Variants in CSMD3 observed in about 807,000 individuals in gnomAD.
The protein encoded by CSMD3 is CUB and sushi domain-containing protein 3.
In CSMD3, 177 loss-of-function variants were observed where a neutral mutation model predicts 435.2. That is an observed-to-expected ratio of 0.41 (90% CI 0.36 to 0.46). The LOEUF (loss-of-function observed/expected upper bound fraction) is 0.46. Among genes scored for constraint, CSMD3 ranks in the 20% least tolerant of loss-of-function variants. CSMD3 has a pLI of 0.34. For synonymous variants in CSMD3, 1,656 were observed against 1,520.5 expected (o/e 1.09, Z -2.07); for missense variants, 4,265 against 4,504.6 (o/e 0.95, Z 1.52).
At chr8:113,139,404 G>T (rs1247354420) in intron 4 of CSMD3, among the ~76,000 whole-genome samples, 3 of 150,818 alleles carry the variant, frequency 2.0e-5, no homozygotes, top group South Asian at 2.1e-4. Flanking sequence ...AAATGCAGGG[G>T]TATAAAGGGA....
intron 13 of CSMD3, among the ~76,000 whole-genome samples, chr8:112,739,433 C>T (rs978194938): frequency 6.6e-5 from 10 of 151,738 alleles, no homozygotes; most frequent in Non-Finnish European, 1.2e-4. Flanking sequence ...TTCAGTTTGC[C>T]ATTATTTCCA....
At chr8:112,862,439 GT>G (rs1412158819) in intron 10 of CSMD3, among the ~76,000 whole-genome samples, 2 of 151,908 alleles carry the variant, frequency 1.3e-5, no homozygotes, top group African/African-American at 2.4e-5. Context: ...ACTACTGGAC[GT>G]TTTTGACAGG....
intron 1 of CSMD3, among the ~76,000 whole-genome samples, chr8:113,399,675 A>G (rs1184724881): frequency 6.6e-6 from 1 of 151,890 alleles, no homozygotes; most frequent in East Asian, 1.9e-4. Context: ...GAATTCTAAT[A>G]GATACAGAGT....
intron 23 of CSMD3, 34 bp downstream of exon 23, chr8:112,587,032 T>C: frequency 6.6e-7 from 1 of 1,505,156 alleles, no homozygotes; most frequent in African/African-American, 1.4e-5. Context: ...TGACTAAAAA[T>C]GAACAATATA....
intron 28 of CSMD3, 110 bp downstream of exon 28, chr8:112,516,924 C>G: frequency 3.7e-6 from 3 of 813,268 alleles, no homozygotes; most frequent in Non-Finnish European, 6.1e-6. Flanking sequence ...CCTCTGAAAT[C>G]TTAGACTCTC....
intron 4 of CSMD3, among the ~76,000 whole-genome samples, chr8:113,158,458 A>G (rs572562291): frequency 4.5e-4 from 69 of 152,154 alleles, no homozygotes; most frequent in African/African-American, 1.4e-3. Flanking sequence ...CAAGATAATA[A>G]AATAAAATAG....
At chr8:113,334,811 C>G (rs779358999) in intron 1 of CSMD3, among the ~76,000 whole-genome samples, 1 of 151,804 alleles carries the variant, frequency 6.6e-6, no homozygotes, top group Non-Finnish European at 1.5e-5. Context: ...TTTAAGGAAT[C>G]GGTGCATTTT....
chr8:112,562,559 A>G (rs570321936), intron 24 of CSMD3, among the ~76,000 whole-genome samples: 3 of 151,522 alleles, frequency 2.0e-5, no homozygotes, highest in African/African-American at 7.2e-5. Flanking sequence ...TAAATACATT[A>G]GAGAAATATG....
intron 4 of CSMD3, among the ~76,000 whole-genome samples, chr8:113,151,153 T>A (rs542617404): frequency 6.6e-6 from 1 of 152,036 alleles, no homozygotes; most frequent in Admixed American, 6.6e-5. Context: ...GTTAATAGGT[T>A]CAAAGTTATC....
In CSMD3 at chr8:112,537,577, A is replaced by C. The variant is rs184783451; in HGVS notation, c.4564+13094T>G. Among the ~76,000 whole-genome samples the C allele has an allele frequency of 5.6e-3, 852 of 152,056 alleles. 16 individuals are homozygous for C. Among genetic ancestry groups the C allele is most frequent in the Non-Finnish European group, 4.5e-3 (305 of 67,940 alleles). On this transcript the variant is annotated intron_variant, in intron 27 of 70. Coordinates refer to ENST00000297405, the MANE Select transcript of CSMD3 (RefSeq NM_198123.2). ...AAACTGATACCACAGAAACACAAGG[A>C]ATTATTAGAGACTATTATGAAGAAG... is the stretch of plus-strand genomic sequence containing the variant.
At position 112,295,948 on chromosome 8, in the gene CSMD3, A is replaced by T. The variant is rs2130715849; in HGVS notation, c.8499T>A (p.Tyr2833Ter). 2.5e-6 allele frequency: 4 copies of T among 1,613,792 alleles called. No homozygotes were observed. The highest frequency in any genetic ancestry group is 3.4e-6 in the Non-Finnish European group (4 of 1,179,744). ...IVNGQVIGEN[Y>*]GYRDTVVYQC... ...GATATACAACTGTGTCTCTATATCC[A>T]TAATTTTCTCCAATGACTTGACCAT... The change falls in exon 54 of 71, where the codon TAT becomes TAA. Residue 2833 changes from tyrosine to a stop codon, truncating the protein, a stop_gained. Coordinates refer to ENST00000297405, the MANE Select transcript of CSMD3 (RefSeq NM_198123.2). LOFTEE classifies it high-confidence loss of function.
chr8:112,646,864 GAA>G (rs1479170910), intron 19 of CSMD3, among the ~76,000 whole-genome samples: 1 of 152,018 alleles, frequency 6.6e-6, no homozygotes, highest in Non-Finnish European at 1.5e-5. Context: ...CTAAAAACAT[GAA>G]GACATAAATT....
At chr8:113,403,358 T>C (rs1439002548) in intron 1 of CSMD3, among the ~76,000 whole-genome samples, 1 of 151,362 alleles carries the variant, frequency 6.6e-6, no homozygotes, top group Non-Finnish European at 1.5e-5. Flanking sequence ...TTTCTTTCTG[T>C]TCCTGTGGTA....
intron 5 of CSMD3, among the ~76,000 whole-genome samples, chr8:113,065,605 G>T (rs112389895): frequency 0.067 from 10,147 of 152,020 alleles, 456 homozygotes; most frequent in Non-Finnish European, 0.095. Flanking sequence ...AGCCAAGATG[G>T]TCTCGATCTC....
At position 112,322,420 on chromosome 8, in the gene CSMD3, T is replaced by C. The variant is rs556970957; in HGVS notation, c.7166-2439A>G. Among the ~76,000 whole-genome samples, 94 of 152,204 alleles carry C rather than the reference T, an allele frequency of 6.2e-4. 1 individual carries two copies. Among genetic ancestry groups the C allele is most frequent in the African/African-American group, 2.1e-3 (87 of 41,546 alleles). The stretch of plus-strand genomic sequence containing the variant: ...TATTCTCTGTTCTTTCCTATCACTG[T>C]CAGTTTTATAAAATGTGTCCCTAGA... On this transcript the variant is annotated intron_variant, in intron 45 of 70. Coordinates refer to ENST00000297405, the MANE Select transcript of CSMD3 (RefSeq NM_198123.2).
intron 16 of CSMD3, among the ~76,000 whole-genome samples, chr8:112,674,481 A>T (rs2075728743): frequency 6.6e-6 from 1 of 152,126 alleles, no homozygotes; most frequent in Non-Finnish European, 1.5e-5. Context: ...CCCTGATAAA[A>T]GAGAAGCTCA....
chr8:113,072,308 G>T (rs936749460), intron 5 of CSMD3, among the ~76,000 whole-genome samples: 1 of 151,162 alleles, frequency 6.6e-6, no homozygotes, highest in Non-Finnish European at 1.5e-5. Context: ...TAATTGCTCT[G>T]TCAAGGACTT....
At position 113,392,877 on chromosome 8, in the gene CSMD3, A is replaced by G. The variant is rs2094466714; in HGVS notation, c.178+43800T>C. ...GAGGAAGAAAATTGCTTATAGTTTC[A>G]TGAATTGATGAGGACTTTATACTCC... is the stretch of plus-strand genomic sequence containing the variant. On this transcript the variant is annotated intron_variant, in intron 1 of 70. Transcript: ENST00000297405. Among the ~76,000 whole-genome samples the G allele has an allele frequency of 2.6e-5, 4 of 151,988 alleles. No individual in the cohort carries two copies. In the South Asian group the frequency reaches 8.3e-4, roughly 31 times the overall value.
At chr8:112,951,257 A>T (rs2130814416) in intron 8 of CSMD3, among the ~76,000 whole-genome samples, 1 of 151,952 alleles carries the variant, frequency 6.6e-6, no homozygotes, top group African/African-American at 2.4e-5. Context: ...AATTGGACAG[A>T]TTTATCACTT....
Sources: allele counts gnomAD v4.1 joint callset (sites outside exome capture counted in the v4.1 genomes callset), GRCh38; gene constraint gnomAD v4.1.1; transcripts MANE v1.5; gene names NCBI Gene and HGNC (gene_info 2026-07-23, HGNC 2026-07-21).